TNFSF8: variants seen among roughly 807,000 people sequenced by gnomAD.
TNFSF8 encodes tumor necrosis factor ligand superfamily member 8.
A neutral mutation model predicts 22.0 loss-of-function variants in TNFSF8; 4 were observed. The ratio of observed to expected loss-of-function variants is 0.18; its 90% confidence interval spans 0.09 to 0.42. TNFSF8 has a LOEUF of 0.42. Among genes scored for constraint, TNFSF8 ranks in the 10% least tolerant of loss-of-function variants. TNFSF8 has a pLI of 1.00. For synonymous variants in TNFSF8, 106 were observed against 112.5 expected (o/e 0.94, Z 0.37); for missense variants, 233 against 281.8 (o/e 0.83, Z 1.24).
Position 114,905,230 on chromosome 9 carries a change from G to A in TNFSF8, c.310+598C>T, listed in dbSNP as rs965316799. ...AACTGCAAAATTGAATTTTTAAAAT[G>A]AGCAGGATGGCTATTCAGAGAATCT... On this transcript the variant is annotated intron_variant, in intron 3 of 3. Coordinates refer to ENST00000223795, the MANE Select transcript of TNFSF8 (RefSeq NM_001244.4). Among the ~76,000 whole-genome samples, 91 of 152,216 alleles carry A rather than the reference G, an allele frequency of 6.0e-4. 1 individual carries two copies. Among genetic ancestry groups the A allele is most frequent in the African/African-American group, 2.2e-3 (90 of 41,458 alleles).
In TNFSF8 at chr9:114,930,200, C is replaced by T. The variant is rs139509296; in HGVS notation, c.104G>A (p.Ser35Asn). 5.0e-6 allele frequency: 8 copies of T among 1,605,928 alleles called. No individual in the cohort carries two copies. In the African/African-American group the frequency reaches 6.7e-5, roughly 13 times the overall value. ...GSVASHLGTT[S>N]RSYFYLTTAT... The stretch of plus-strand genomic sequence containing the variant: ...TGTGGTCAAATAGAAATAGCTGCGG[C>T]TCGTGGTCCCCAGGTGGCTGGCCAC... Residue 35 changes from serine (S) to asparagine (N), a missense_variant, in exon 1 of 4, where the codon AGC (serine) becomes AAC (asparagine). Physicochemically the swap from Ser to Asn is conservative, Grantham distance 46. Coordinates refer to ENST00000223795, the MANE Select transcript of TNFSF8 (RefSeq NM_001244.4).
intron 4 of TNFSF8, among the ~76,000 whole-genome samples, chr9:114,895,436 TGA>T (rs1827646690): frequency 6.6e-6 from 1 of 152,212 alleles, no homozygotes; most frequent in Admixed American, 6.5e-5. Flanking sequence ...AACCATCCTT[TGA>T]GAGTTGGCCT....
chr9:114,895,579 G>T (rs1053047709), intron 4 of TNFSF8, among the ~76,000 whole-genome samples: 2 of 152,068 alleles, frequency 1.3e-5, no homozygotes, highest in Non-Finnish European at 2.9e-5. Context: ...TCTCCCCAAG[G>T]TCTAACTCCT....
chr9:114,922,886 C>T (rs1265632778), intron 1 of TNFSF8, among the ~76,000 whole-genome samples: 2 of 152,052 alleles, frequency 1.3e-5, no homozygotes, highest in Non-Finnish European at 2.9e-5. Context: ...TTAGGTTTTG[C>T]ATTTTTGATG....
downstream of TNFSF8, among the ~76,000 whole-genome samples, chr9:114,899,459 T>A (rs1827694149): frequency 6.6e-6 from 1 of 151,744 alleles, no homozygotes; most frequent in Non-Finnish European, 1.5e-5. Context: ...CAATCTTCCA[T>A]CGCAGAGTTT....
In TNFSF8 at chr9:114,904,017, T is replaced by C; in HGVS notation, c.619A>G (p.Asn207Asp). The C allele has an allele frequency of 6.2e-7, 1 of 1,614,112 alleles. No individual in the cohort carries two copies. Among genetic ancestry groups the C allele is most frequent in the Non-Finnish European group, 8.5e-7 (1 of 1,179,976 alleles). Residue 207 changes from asparagine (N) to aspartate (D), a missense_variant, in exon 4 of 4, where the codon AAT (asparagine) becomes GAT (aspartate). Coordinates refer to ENST00000223795, the MANE Select transcript of TNFSF8 (RefSeq NM_001244.4). ...YLQVNTTISV[N>D]VDTFQYIDTS... Reference sequence around the variant, plus strand: ...TCTATGTACTGGAATGTATCCACATTGACTGATATGGTGGTGTTGACCTGC... The same window carrying C: ...TCTATGTACTGGAATGTATCCACATCGACTGATATGGTGGTGTTGACCTGC...
At chr9:114,899,937 A>G (rs1298207747), downstream of TNFSF8, among the ~76,000 whole-genome samples, 1 of 152,192 alleles carries the variant, frequency 6.6e-6, no homozygotes, top group Non-Finnish European at 1.5e-5. Flanking sequence ...AAAAATGGCA[A>G]CTAGGGGTGG....
chr9:114,918,351 TGTCCCC>T (rs1229176553), intron 1 of TNFSF8, among the ~76,000 whole-genome samples: 1 of 152,194 alleles, frequency 6.6e-6, no homozygotes, highest in African/African-American at 2.4e-5. Flanking sequence ...TGAGGATTAC[TGTCCCC>T]GTTCCACAGG....
Position 114,930,133 on chromosome 9 carries a change from A to C in TNFSF8, c.171T>G (p.Ile57Met), listed in dbSNP as rs1330223741. Residue 57 changes from isoleucine (I) to methionine (M), a missense_variant, in exon 1 of 4, where the codon ATT (isoleucine) becomes ATG (methionine). Physicochemically the swap from Ile to Met is conservative, Grantham distance 10 (BLOSUM62 1). Transcript: ENST00000223795. ...ALCLVFTVAT[I>M]MVLVVQRTDS... is the part of the protein sequence containing the mutation. ...CCGTCCTCTGAACGACCAACACCAT[A>C]ATAGTGGCCACCGTGAAGACAAGGC... The C allele has an allele frequency of 6.4e-7, 1 of 1,569,918 alleles. No individual in the cohort carries two copies. The highest frequency in any genetic ancestry group is 8.6e-7 in the Non-Finnish European group (1 of 1,158,596).
intron 1 of TNFSF8, among the ~76,000 whole-genome samples, chr9:114,929,508 G>A (rs1490243553): frequency 6.6e-6 from 1 of 151,954 alleles, no homozygotes; most frequent in African/African-American, 2.4e-5. Flanking sequence ...CTAGACCTTG[G>A]CCTCTGAAAC....
At chr9:114,913,679 A>T (rs1827879678) in intron 2 of TNFSF8, among the ~76,000 whole-genome samples, 1 of 152,328 alleles carries the variant, frequency 6.6e-6, no homozygotes. Context: ...CAAGGTGGAT[A>T]CGCTGGATTT....
At chr9:114,898,159 T>C (rs1827676422), downstream of TNFSF8, among the ~76,000 whole-genome samples, 1 of 125,048 alleles carries the variant, frequency 8.0e-6, no homozygotes, top group Admixed American at 8.6e-5. Context: ...CACACCACCA[T>C]GCCCAGCTAA....
intron 3 of TNFSF8, 78 bp from the exon 4 acceptor site, chr9:114,904,403 A>G (rs970149203): frequency 4.6e-6 from 7 of 1,515,062 alleles, no homozygotes; most frequent in African/African-American, 4.2e-5. Flanking sequence ...TCTTTGTTCA[A>G]AGTTTCCCAT....
chr9:114,897,653 C>T (rs1006632383), downstream of TNFSF8, among the ~76,000 whole-genome samples: 1 of 152,124 alleles, frequency 6.6e-6, no homozygotes, highest in East Asian at 1.9e-4. Context: ...AAGAGTGTGA[C>T]AGGAGTATCC....
chr9:114,919,282 A>G (rs77474901), intron 1 of TNFSF8, among the ~76,000 whole-genome samples: 3,966 of 152,170 alleles, frequency 0.026, 262 homozygotes, highest in East Asian at 0.15. Context: ...TTTACATAGT[A>G]TATTATTTAT....
chr9:114,901,602 T>C lies in TNFSF8; in HGVS notation c.*2329A>G. 4.1e-6 allele frequency: 4 copies of C among 985,320 alleles called. No individual in the cohort carries two copies. Among genetic ancestry groups the C allele is most frequent in the Non-Finnish European group, 2.4e-6 (2 of 829,800 alleles). 61.0% of individuals were successfully genotyped at this position (985,320 alleles called of 1,614,324 possible). On this transcript the variant is annotated 3_prime_UTR_variant, in exon 4 of 4. Coordinates refer to ENST00000223795, the MANE Select transcript of TNFSF8 (RefSeq NM_001244.4). ...ATGAGTTGGTTTAAGCAAGATTCAT[T>C]TGTCCTATGCAGTTAGTGTGTGACT... is the stretch of plus-strand genomic sequence containing the variant.
At chr9:114,912,549 C>T (rs1266873585) in intron 2 of TNFSF8, among the ~76,000 whole-genome samples, 1 of 151,818 alleles carries the variant, frequency 6.6e-6, no homozygotes, top group Non-Finnish European at 1.5e-5. Flanking sequence ...GCCACCATGC[C>T]CAGCTAATTT....
At chr9:114,927,549 C>T (rs1161917964) in intron 1 of TNFSF8, among the ~76,000 whole-genome samples, 2 of 152,220 alleles carry the variant, frequency 1.3e-5, no homozygotes, top group African/African-American at 4.8e-5. Flanking sequence ...CAACCTGAAA[C>T]TAATCCCCAG....
intron 1 of TNFSF8, among the ~76,000 whole-genome samples, chr9:114,921,908 T>C (rs1827993126): frequency 6.6e-6 from 1 of 152,200 alleles, no homozygotes; most frequent in Non-Finnish European, 1.5e-5. Flanking sequence ...CTGATGAGTA[T>C]TCCCAACAGT....
Sources: allele counts gnomAD v4.1 joint callset (sites outside exome capture counted in the v4.1 genomes callset), GRCh38; gene constraint gnomAD v4.1.1; transcripts MANE v1.5; gene names NCBI Gene and HGNC (gene_info 2026-07-23, HGNC 2026-07-21).